The following NTN4 variants were observed in gnomAD, a reference collection of about 807,000 sequenced individuals.
NTN4 encodes netrin-4.
A neutral mutation model predicts 73.6 loss-of-function variants in NTN4; 32 were observed. The observed-to-expected ratio is 0.44, with a 90% confidence interval of 0.33 to 0.58. The LOEUF is 0.58. Among genes scored for constraint, NTN4 ranks in the 20% least tolerant of loss-of-function variants. The pLI is 0.04. For synonymous variants in NTN4, 258 were observed against 287.5 expected (o/e 0.90, Z 1.04); for missense variants, 654 against 798.3 (o/e 0.82, Z 2.18).
chr12:95,760,673 G>T (rs1363563915), intron 2 of NTN4, among the ~76,000 whole-genome samples: 15 of 141,078 alleles, frequency 1.1e-4, no homozygotes, highest in African/African-American at 4.0e-4. Flanking sequence ...GAAAACAATT[G>T]TATCATCTTT....
chr12:95,766,570 A>G (rs2079022664), intron 2 of NTN4, among the ~76,000 whole-genome samples: 1 of 152,232 alleles, frequency 6.6e-6, no homozygotes, highest in Non-Finnish European at 1.5e-5. Context: ...TCAAACATCT[A>G]AAGAATGCTA....
intron 2 of NTN4, among the ~76,000 whole-genome samples, chr12:95,740,295 C>T (rs79622854): frequency 0.032 from 4,813 of 152,210 alleles, 265 homozygotes; most frequent in East Asian, 0.3. Flanking sequence ...TCAAACTTCC[C>T]CAGAAGAAGC....
chr12:95,703,833 G>C (rs1453182585), intron 5 of NTN4, among the ~76,000 whole-genome samples: 1 of 152,124 alleles, frequency 6.6e-6, no homozygotes, highest in African/African-American at 2.4e-5. Context: ...TTGGATGTTT[G>C]CTTAACTAGG....
chr12:95,710,668 A>C (rs780305608), intron 4 of NTN4, 39 bp from the exon 5 acceptor site: 1 of 1,579,872 alleles, frequency 6.3e-7, no homozygotes, highest in Non-Finnish European at 8.7e-7. Context: ...CTAATAAGTA[A>C]AAATAAAATG....
At chr12:95,769,491 G>A (rs559546319) in intron 2 of NTN4, among the ~76,000 whole-genome samples, 5 of 149,598 alleles carry the variant, frequency 3.3e-5, no homozygotes, top group East Asian at 2.0e-4. Flanking sequence ...GGCAGCCCCC[G>A]GAATCACAGC....
At chr12:95,763,110 G>A (rs2078999868) in intron 2 of NTN4, among the ~76,000 whole-genome samples, 1 of 152,150 alleles carries the variant, frequency 6.6e-6, no homozygotes, top group Admixed American at 6.5e-5. Context: ...ACTTATTGAG[G>A]AAATGCTTTG....
intron 2 of NTN4, among the ~76,000 whole-genome samples, chr12:95,741,427 TTATATATATATATA>T (rs1174318245): frequency 0.015 from 744 of 51,004 alleles, 18 homozygotes; most frequent in African/African-American, 0.051. Flanking sequence ...TATGTATAAA[TTATATATATATATA>T]TATATATATA....
intron 3 of NTN4, among the ~76,000 whole-genome samples, chr12:95,716,556 T>A (rs1017990041): frequency 3.3e-4 from 51 of 152,260 alleles, no homozygotes; most frequent in Admixed American, 9.2e-4. Context: ...TCTCTTTTTT[T>A]AAAAATATTA....
intron 5 of NTN4, among the ~76,000 whole-genome samples, chr12:95,709,336 T>G (rs2078544907): frequency 2.0e-5 from 3 of 152,188 alleles, no homozygotes; most frequent in Non-Finnish European, 4.4e-5. Context: ...ATTTCTGAGC[T>G]GAGAGAGGGT....
chr12:95,770,274 T>C (rs1380972871), intron 2 of NTN4, among the ~76,000 whole-genome samples: 2 of 152,200 alleles, frequency 1.3e-5, no homozygotes, highest in Non-Finnish European at 2.9e-5. Context: ...AACTACACTT[T>C]CTCACTACAC....
chr12:95,750,137 C>T (rs112581165), intron 2 of NTN4, among the ~76,000 whole-genome samples: 51,980 of 150,462 alleles, frequency 0.35, 9,318 homozygotes, highest in African/African-American at 0.4. Context: ...CTTATCTCTG[C>T]GCCCCAATCC....
At chr12:95,782,798 G>C (rs1301642108) in intron 2 of NTN4, among the ~76,000 whole-genome samples, 1 of 152,188 alleles carries the variant, frequency 6.6e-6, no homozygotes, top group African/African-American at 2.4e-5. Flanking sequence ...AGAGTTAATA[G>C]AGCAGGGAGC....
At chr12:95,717,493 A>G (rs2078615238) in intron 3 of NTN4, among the ~76,000 whole-genome samples, 1 of 152,120 alleles carries the variant, frequency 6.6e-6, no homozygotes, top group Non-Finnish European at 1.5e-5. Flanking sequence ...ATACAGAAAA[A>G]TTCAAGGAGC....
intron 3 of NTN4, among the ~76,000 whole-genome samples, chr12:95,714,181 T>A (rs1407365138): frequency 6.6e-6 from 1 of 152,284 alleles, no homozygotes; most frequent in East Asian, 1.9e-4. Flanking sequence ...AATTTTAATA[T>A]TTTTTGTATT....
intron 5 of NTN4, among the ~76,000 whole-genome samples, chr12:95,705,465 C>A (rs2078515912): frequency 6.6e-6 from 1 of 152,162 alleles, no homozygotes; most frequent in Non-Finnish European, 1.5e-5. Flanking sequence ...ACTGCTTTAA[C>A]CACCTCCTCA....
intron 5 of NTN4, among the ~76,000 whole-genome samples, chr12:95,686,417 C>G (rs756992282): frequency 6.6e-6 from 1 of 152,116 alleles, no homozygotes; most frequent in African/African-American, 2.4e-5. Context: ...GATCATTTAG[C>G]GATCTGAGCC....
At chr12:95,687,544 G>A (rs2078371198) in intron 5 of NTN4, among the ~76,000 whole-genome samples, 1 of 151,734 alleles carries the variant, frequency 6.6e-6, no homozygotes, top group Non-Finnish European at 1.5e-5. Context: ...GGGATTATAG[G>A]TGCCTACCAC....
chr12:95,688,342 T>C (rs1351615559), intron 5 of NTN4, among the ~76,000 whole-genome samples: 1 of 152,064 alleles, frequency 6.6e-6, no homozygotes, highest in African/African-American at 2.4e-5. Context: ...GAGGGACAAA[T>C]AGAAGTCGGG....
At chr12:95,743,749 C>G (rs1438708221) in intron 2 of NTN4, among the ~76,000 whole-genome samples, 2 of 152,138 alleles carry the variant, frequency 1.3e-5, no homozygotes, top group Non-Finnish European at 2.9e-5. Flanking sequence ...TGTTTTATGA[C>G]TCAGTATATG....
Sources: allele counts gnomAD v4.1 joint callset (sites outside exome capture counted in the v4.1 genomes callset), GRCh38; gene constraint gnomAD v4.1.1; transcripts MANE v1.5; gene names NCBI Gene and HGNC (gene_info 2026-07-23, HGNC 2026-07-21).